CDK14: variants seen among roughly 807,000 people sequenced by gnomAD.
CDK14 encodes cyclin dependent kinase 14.
A neutral mutation model predicts 60.7 loss-of-function variants in CDK14; 34 were observed. The observed-to-expected ratio is 0.56, with a 90% confidence interval of 0.43 to 0.75. The LOEUF (loss-of-function observed/expected upper bound fraction) is 0.75. Among genes scored for constraint, CDK14 ranks in the 30% least tolerant of loss-of-function variants. The probability of loss-of-function intolerance (pLI) is 0.00; values close to 1 mark genes in which losing one functional copy is unlikely to be tolerated. For synonymous variants in CDK14, 197 were observed against 203.7 expected (o/e 0.97, Z 0.28); for missense variants, 482 against 564.1 (o/e 0.85, Z 1.47).
At chr7:91,061,982 T>C (rs1797809194) in intron 11 of CDK14, among the ~76,000 whole-genome samples, 1 of 152,228 alleles carries the variant, frequency 6.6e-6, no homozygotes, top group African/African-American at 2.4e-5. Context: ...TGTTTGGCTA[T>C]GCCATGCCCC....
chr7:91,180,005 T>C (rs1245954105), intron 14 of CDK14, among the ~76,000 whole-genome samples: 2 of 152,026 alleles, frequency 1.3e-5, no homozygotes, highest in Admixed American at 6.6e-5. Context: ...TATTATAGAG[T>C]AATAAATCAA....
At chr7:90,936,169 T>A (rs1412565562) in intron 8 of CDK14, among the ~76,000 whole-genome samples, 2 of 152,114 alleles carry the variant, frequency 1.3e-5, no homozygotes, top group Admixed American at 6.5e-5. Context: ...TTTTCTGTTT[T>A]AAAAAAAAGT....
intron 2 of CDK14, among the ~76,000 whole-genome samples, chr7:90,646,046 T>C (rs1274268766): frequency 6.6e-6 from 1 of 152,212 alleles, no homozygotes; most frequent in Non-Finnish European, 1.5e-5. Context: ...AGTTGTGAGC[T>C]CTGGGTAACT....
intron 5 of CDK14, among the ~76,000 whole-genome samples, chr7:90,801,776 T>A (rs558129593): frequency 1.3e-4 from 20 of 152,358 alleles, no homozygotes; most frequent in East Asian, 7.7e-4. Flanking sequence ...AGCCTTTTTT[T>A]ATCCAAATAT....
chr7:90,999,056 T>C (rs1795768659), intron 10 of CDK14, among the ~76,000 whole-genome samples: 1 of 152,120 alleles, frequency 6.6e-6, no homozygotes, highest in East Asian at 1.9e-4. Flanking sequence ...GTTCTCTTTT[T>C]CTCTTCTTAT....
chr7:91,146,610 A>G (rs43016), intron 14 of CDK14, among the ~76,000 whole-genome samples: 61,567 of 152,136 alleles, frequency 0.4, 15,037 homozygotes, highest in Non-Finnish European at 0.55. Context: ...CGTATTCAAT[A>G]TCTGAATTTG....
At chr7:90,652,059 C>G (rs1389378191) in intron 2 of CDK14, among the ~76,000 whole-genome samples, 1 of 152,176 alleles carries the variant, frequency 6.6e-6, no homozygotes, top group East Asian at 1.9e-4. Context: ...TGGGCACTTG[C>G]AGGACCAGCA....
chr7:91,008,657 T>C (rs1444417215), intron 10 of CDK14, among the ~76,000 whole-genome samples: 1 of 152,144 alleles, frequency 6.6e-6, no homozygotes, highest in Non-Finnish European at 1.5e-5. Flanking sequence ...TATTCAGTTT[T>C]TCTTTTTCTG....
intron 1 of CDK14, among the ~76,000 whole-genome samples, chr7:90,597,585 A>G (rs1410373289): frequency 6.6e-6 from 1 of 152,226 alleles, no homozygotes; most frequent in Non-Finnish European, 1.5e-5. Context: ...CCTGAGCAAG[A>G]GAATGCTATA....
chr7:90,839,038 C>T lies in CDK14; in HGVS notation c.545-24137C>T, dbSNP rs978924503. Among the ~76,000 whole-genome samples the T allele has an allele frequency of 3.9e-5, 6 of 152,138 alleles. No individual in the cohort carries two copies. The South Asian group carries it at 6.2e-4, about 16-fold the overall frequency. On this transcript the variant is annotated intron_variant, in intron 5 of 14. Coordinates refer to ENST00000380050, the MANE Select transcript of CDK14 (RefSeq NM_001287135.2). ...TCCTACCAATATGTGATGGCACCCCCGGAGGCCCCGATGTAAAATTTCTCT... is the reference window on the plus strand; with the variant it reads ...TCCTACCAATATGTGATGGCACCCCTGGAGGCCCCGATGTAAAATTTCTCT...
intron 11 of CDK14, among the ~76,000 whole-genome samples, chr7:91,047,381 A>G (rs1797269843): frequency 6.6e-6 from 1 of 152,258 alleles, no homozygotes; most frequent in Non-Finnish European, 1.5e-5. Flanking sequence ...AATAGAATTT[A>G]TCTTCATCAA....
chr7:90,712,021 G>T (rs1162453851), intron 2 of CDK14, among the ~76,000 whole-genome samples: 1 of 151,112 alleles, frequency 6.6e-6, no homozygotes, highest in Non-Finnish European at 1.5e-5. Flanking sequence ...ACTGCACGCA[G>T]CTACAGTCTA....
intron 14 of CDK14, among the ~76,000 whole-genome samples, chr7:91,149,615 C>A (rs1011583760): frequency 7.2e-5 from 11 of 152,192 alleles, no homozygotes; most frequent in Non-Finnish European, 2.9e-5. Context: ...AAAGCTTGTT[C>A]TTGGCCCCAT....
chr7:91,022,535 A>G (rs1180325613), intron 10 of CDK14, among the ~76,000 whole-genome samples: 1 of 152,222 alleles, frequency 6.6e-6, no homozygotes, highest in Non-Finnish European at 1.5e-5. Flanking sequence ...ATAAATCCAA[A>G]CAATACAGTA....
intron 2 of CDK14, among the ~76,000 whole-genome samples, chr7:90,672,536 T>TTTTTTTTTA (rs1563039673): frequency 9.8e-6 from 1 of 101,722 alleles, no homozygotes; most frequent in African/African-American, 3.8e-5. Context: ...TTTTTTTTTT[T>TTTTTTTTTA]AATAATTTGG....
chr7:91,007,876 T>C (rs535381602), intron 10 of CDK14, among the ~76,000 whole-genome samples: 1 of 152,298 alleles, frequency 6.6e-6, no homozygotes, highest in Non-Finnish European at 1.5e-5. Flanking sequence ...CTTTATGTGC[T>C]TGAAATCTTT....
chr7:90,641,006 A>G (rs1047403675), intron 2 of CDK14, among the ~76,000 whole-genome samples: 18 of 152,036 alleles, frequency 1.2e-4, no homozygotes, highest in Admixed American at 2.0e-4. Flanking sequence ...GTTGAACTTT[A>G]TTAGCCATCA....
At chr7:90,982,942 T>TA (rs1304427058) in intron 9 of CDK14, among the ~76,000 whole-genome samples, 1 of 151,922 alleles carries the variant, frequency 6.6e-6, no homozygotes, top group Non-Finnish European at 1.5e-5. Context: ...ACAAACATAC[T>TA]AAAAAATGCT....
chr7:90,718,555 A>G (rs1321522003), intron 2 of CDK14, among the ~76,000 whole-genome samples: 1 of 152,158 alleles, frequency 6.6e-6, no homozygotes, highest in African/African-American at 2.4e-5. Flanking sequence ...TTCTATGGGC[A>G]GTATGTTTGC....
Sources: allele counts gnomAD v4.1 joint callset (sites outside exome capture counted in the v4.1 genomes callset), GRCh38; gene constraint gnomAD v4.1.1; transcripts MANE v1.5; gene names NCBI Gene and HGNC (gene_info 2026-07-23, HGNC 2026-07-21).